The following NCR1 variants were observed in gnomAD, a reference collection of about 807,000 sequenced individuals.
NCR1 encodes the protein natural cytotoxicity triggering receptor 1, also known as NK cell-activating receptor.
A neutral mutation model predicts 32.5 loss-of-function variants in NCR1; 30 were observed. That is an observed-to-expected ratio of 0.92 (90% CI 0.69 to 1.25). The LOEUF is 1.25. Among genes scored for constraint, NCR1 ranks in the 50% most tolerant of loss-of-function variants. The pLI, the probability that NCR1 is intolerant of heterozygous loss-of-function variation, is 0.00. For synonymous variants in NCR1, 169 were observed against 143.4 expected, an observed-to-expected ratio of 1.18 and a Z score of -1.28; for missense variants, 369 against 380.7, an observed-to-expected ratio of 0.97 and a Z score of 0.26.
chr19:54,904,298 T>C (rs587696966), upstream of NCR1, among the ~76,000 whole-genome samples: 3 of 152,030 alleles, frequency 2.0e-5, no homozygotes, highest in Admixed American at 6.6e-5. Flanking sequence ...AATTAACTTA[T>C]CCAAGCATAT....
chr19:54,904,677 C>G (rs1569536031), upstream of NCR1, among the ~76,000 whole-genome samples: 1 of 152,004 alleles, frequency 6.6e-6, no homozygotes, highest in Admixed American at 6.6e-5. Context: ...GGACTACAGG[C>G]ATGTGCCACC....
At chr19:54,907,892 T>C (rs587711639) in intron 3 of NCR1, among the ~76,000 whole-genome samples, 52 of 152,334 alleles carry the variant, frequency 3.4e-4, no homozygotes, top group African/African-American at 1.2e-3. Flanking sequence ...TTGAAATATA[T>C]ATATTTTTTG....
downstream of NCR1, among the ~76,000 whole-genome samples, chr19:54,914,067 C>CA (rs1421599558): frequency 5.4e-4 from 53 of 98,458 alleles, no homozygotes; most frequent in East Asian, 1.9e-3. Flanking sequence ...GATTCTGTCT[C>CA]AAAAAAAAAA....
the NCR1 span, among the ~76,000 whole-genome samples, chr19:54,926,693 ATCACCTGAGGTCAGG>A: frequency 2.6e-5 from 4 of 152,042 alleles, no homozygotes; most frequent in South Asian, 8.3e-4. Flanking sequence ...AGGCGAGAAG[ATCACCTGAGGTCAGG>A]AGCTCGAGAC....
At chr19:54,936,242 C>T in the NCR1 span, 2 of 1,609,500 alleles carry the variant, frequency 1.2e-6, no homozygotes, top group Non-Finnish European at 1.7e-6. Context: ...CTGGGGAGAG[C>T]CGTGACCGTG....
intron 3 of NCR1, among the ~76,000 whole-genome samples, chr19:54,908,950 G>T (rs1193925434): frequency 6.6e-6 from 1 of 150,600 alleles, no homozygotes; most frequent in African/African-American, 2.4e-5. Flanking sequence ...TTTTAAAAAT[G>T]GTTTTAGACG....
At chr19:54,917,311 C>CAAA (rs113522104), downstream of NCR1, among the ~76,000 whole-genome samples, 72 of 146,948 alleles carry the variant, frequency 4.9e-4, no homozygotes, top group Middle Eastern at 6.9e-3. Context: ...TGTGACTCCT[C>CAAA]AAAAAAAAAC....
At chr19:54,917,890 C>T (rs775850), downstream of NCR1, among the ~76,000 whole-genome samples, 9,258 of 152,150 alleles carry the variant, frequency 0.061, 882 homozygotes, top group African/African-American at 0.21. Context: ...GGCAGGGTTA[C>T]GAGTCCACGG....
At chr19:54,905,349 T>TTTA (rs202165378), upstream of NCR1, among the ~76,000 whole-genome samples, 14 of 151,438 alleles carry the variant, frequency 9.2e-5, no homozygotes, top group East Asian at 1.9e-4. Flanking sequence ...TTGAGGAGGA[T>TTTA]TTATTATTAT....
chr19:54,920,206 T>G (rs773743163), downstream of NCR1, among the ~76,000 whole-genome samples: 5 of 152,258 alleles, frequency 3.3e-5, no homozygotes, highest in South Asian at 6.2e-4. Flanking sequence ...GTTCCACATC[T>G]TTGCAATTGT....
At chr19:54,904,310 T>C (rs4806615), upstream of NCR1, among the ~76,000 whole-genome samples, 8,439 of 151,872 alleles carry the variant, frequency 0.056, 289 homozygotes, top group Middle Eastern at 0.12. Context: ...CAAGCATATG[T>C]ATACTGTACA....
downstream of NCR1, among the ~76,000 whole-genome samples, chr19:54,917,099 G>A (rs1165749844): frequency 1.3e-5 from 2 of 151,672 alleles, no homozygotes; most frequent in East Asian, 4.0e-4. Context: ...CTCCTCGAAG[G>A]ACTCACTTCT....
At chr19:54,915,352 C>G (rs1237643003), downstream of NCR1, among the ~76,000 whole-genome samples, 2 of 152,106 alleles carry the variant, frequency 1.3e-5, no homozygotes, top group African/African-American at 4.8e-5. Context: ...ACTTATCAAC[C>G]CATTTATATA....
At chr19:54,934,530 G>C in the NCR1 span, 2 of 1,614,170 alleles carry the variant, frequency 1.2e-6, no homozygotes, top group Non-Finnish European at 1.7e-6. The surrounding 1 kb of genome is among the most constrained non-coding windows in gnomAD (Gnocchi z 6.7). Context: ...TCATGGTCTT[G>C]TACAGCAACA....
upstream of NCR1, among the ~76,000 whole-genome samples, chr19:54,904,507 A>G (rs1386817476): frequency 6.8e-6 from 1 of 147,538 alleles, no homozygotes; most frequent in Non-Finnish European, 1.5e-5. Flanking sequence ...ATAAGTGAGA[A>G]CATGTGGTAT....
At chr19:54,934,788 CA>C in the NCR1 span, 7 of 702,792 alleles carry the variant, frequency 1.0e-5, no homozygotes, top group Non-Finnish European at 1.6e-5. This position sits in a 1 kb window ranked among gnomAD's most constrained non-coding sequence, Gnocchi z 6.7. Context: ...CACCTCACTG[CA>C]GCCTCCGCCT....
downstream of NCR1, among the ~76,000 whole-genome samples, chr19:54,917,440 C>T (rs77052337): frequency 0.012 from 1,851 of 152,144 alleles, 43 homozygotes; most frequent in African/African-American, 0.042. Flanking sequence ...CTGCCTCAGC[C>T]CCCCAAGGAG....
downstream of NCR1, among the ~76,000 whole-genome samples, chr19:54,917,923 G>A (rs1040100883): frequency 2.0e-5 from 3 of 152,036 alleles, no homozygotes; most frequent in East Asian, 1.9e-4. Flanking sequence ...CTCAGCCTAC[G>A]TAAGACGTGG....
Position 54,906,358 on chromosome 19 carries a change from G to A in NCR1, c.70+24G>A, listed in dbSNP as rs587704281. On this transcript the variant is annotated intron_variant, in intron 2 of 6. Coordinates refer to ENST00000291890, the MANE Select transcript of NCR1 (RefSeq NM_004829.7). ...GCGTGAGTCCTTCCTTCAAAGCCCAGGGTCACTCTTCCGGATTCAGGCCAA... is the reference window on the plus strand; with the variant it reads ...GCGTGAGTCCTTCCTTCAAAGCCCAAGGTCACTCTTCCGGATTCAGGCCAA... 132 of 1,612,386 alleles carry A rather than the reference G, an allele frequency of 8.2e-5. No homozygotes were observed. The South Asian group carries it at 1.4e-3, about 16-fold the overall frequency.
Sources: gnomAD v4.1 joint callset for allele counts (sites outside exome capture counted in the v4.1 genomes callset) on GRCh38, gnomAD v4.1.1 for gene constraint, Gnocchi (gnomAD v3.1) non-coding constraint, MANE v1.5 for transcripts, NCBI Gene and HGNC (gene_info 2026-07-23, HGNC 2026-07-21) for gene names.